Variants in SEC22A observed in about 807,000 individuals in gnomAD.
The protein encoded by SEC22A is vesicle-trafficking protein SEC22a.
A neutral mutation model predicts 35.3 loss-of-function variants in SEC22A; 22 were observed. The observed-to-expected ratio is 0.62, with a 90% confidence interval of 0.45 to 0.89. The LOEUF (loss-of-function observed/expected upper bound fraction) is 0.89, where lower values mean the gene tolerates loss of function less well. Among genes scored for constraint, SEC22A ranks in the 40% least tolerant of loss-of-function variants. SEC22A has a pLI of 0.00. For synonymous variants in SEC22A, 119 were observed against 129.5 expected (o/e 0.92, Z 0.55); for missense variants, 354 against 362.5 (o/e 0.98, Z 0.19).
At chr3:123,218,617 A>C (rs1937071842) in intron 2 of SEC22A, among the ~76,000 whole-genome samples, 1 of 152,064 alleles carries the variant, frequency 6.6e-6, no homozygotes, top group African/African-American at 2.4e-5. Flanking sequence ...CATGTCGAAG[A>C]TTCACTGACC....
At chr3:123,257,879 C>T (rs562536735) in intron 5 of SEC22A, among the ~76,000 whole-genome samples, 1 of 151,522 alleles carries the variant, frequency 6.6e-6, no homozygotes, top group African/African-American at 2.4e-5. Flanking sequence ...GTAGTCCCAA[C>T]TATTCTGAAG....
chr3:123,227,842 C>T (rs866839364), intron 4 of SEC22A, among the ~76,000 whole-genome samples: 20 of 150,750 alleles, frequency 1.3e-4, no homozygotes, highest in Middle Eastern at 3.2e-3. Flanking sequence ...CCCAGTTACT[C>T]GGGAGACTGA....
intron 5 of SEC22A, among the ~76,000 whole-genome samples, chr3:123,254,625 A>G (rs375090617): frequency 2.2e-4 from 33 of 152,270 alleles, no homozygotes; most frequent in African/African-American, 7.0e-4. Flanking sequence ...TCTTTAAAAA[A>G]CAAACAATAA....
At chr3:123,233,885 T>C (rs1937368006) in intron 4 of SEC22A, among the ~76,000 whole-genome samples, 1 of 152,162 alleles carries the variant, frequency 6.6e-6, no homozygotes, top group Non-Finnish European at 1.5e-5. Context: ...TAAAAAGGCA[T>C]GTAGATTGCA....
chr3:123,248,540 T>C (rs1000397332), intron 5 of SEC22A, among the ~76,000 whole-genome samples: 9 of 152,128 alleles, frequency 5.9e-5, no homozygotes, highest in Admixed American at 6.5e-5. Flanking sequence ...ATACAAGATC[T>C]TTATGAGGAA....
intron 1 of SEC22A, among the ~76,000 whole-genome samples, chr3:123,203,052 CCTTTTTTTTTTT>C: frequency 1.5e-5 from 1 of 68,192 alleles, no homozygotes; most frequent in African/African-American, 8.7e-5. Flanking sequence ...CTGTTTAGTG[CCTTTTTTTTTTT>C]TTTTTTTTTT....
At position 123,273,179 on chromosome 3, in the gene SEC22A, A is replaced by G. The variant is rs1938211920; in HGVS notation, c.*1457A>G. On this transcript the variant is annotated 3_prime_UTR_variant, in exon 7 of 7. Coordinates refer to ENST00000492595, the MANE Select transcript of SEC22A (RefSeq NM_012430.5). ...GTAATTGTTGTTACTAGGCATATTT[A>G]TTAAGTAGAGAAATAGAGGGTAAAA... The G allele has an allele frequency of 6.6e-6, 1 of 152,242 alleles. No homozygotes were observed. Among genetic ancestry groups the G allele is most frequent in the South Asian group, 2.1e-4 (1 of 4,828 alleles). The allele number at this position is 152,242 out of a possible 1,614,324, so 9.4% of individuals were successfully genotyped here. A position where few individuals can be genotyped will look rare whatever the true frequency, so the allele number is the denominator to read the frequency against.
In SEC22A at chr3:123,239,671, G is replaced by C. The variant is rs189073733; in HGVS notation, c.542-6228G>C. Among the ~76,000 whole-genome samples the C allele has an allele frequency of 5.6e-3, 847 of 152,062 alleles. 3 individuals carry two copies. The highest frequency in any genetic ancestry group is 0.014 in the South Asian group (67 of 4,794). ...ATATCCTTCGCCCACTTTTTGATGG[G>C]GTTGTTTGTTTTTTTCTTGTAAATT... On this transcript the variant is annotated intron_variant, in intron 4 of 6. Transcript: ENST00000492595.
intron 6 of SEC22A, 76 bp downstream of exon 6, chr3:123,259,665 T>G (rs866535411): frequency 2.1e-6 from 2 of 971,474 alleles, no homozygotes; most frequent in South Asian, 1.5e-5. Flanking sequence ...AATTGTGCAT[T>G]TTAAATAAAT....
intron 1 of SEC22A, among the ~76,000 whole-genome samples, chr3:123,207,952 T>C (rs1936877783): frequency 6.6e-6 from 1 of 152,256 alleles, no homozygotes; most frequent in South Asian, 2.1e-4. Flanking sequence ...ATAAAAGTAG[T>C]ATATGTCTAC....
rs1488940435 is a variant in SEC22A at position 123,203,051 on chromosome 3, G to GC, written c.-20+1067dup. On this transcript the variant is annotated intron_variant, in intron 1 of 6. Coordinates refer to ENST00000492595, the MANE Select transcript of SEC22A (RefSeq NM_012430.5). ...TTGAAAACCATCACATCTGTTTAGTGCCTTTTTTTTTTTTTTTTTTTTTTT... is the reference window on the plus strand; with the variant it reads ...TTGAAAACCATCACATCTGTTTAGTGCCCTTTTTTTTTTTTTTTTTTTTTTT... 6.0e-3 allele frequency among the ~76,000 whole-genome samples: 422 copies of GC among 70,008 alleles called. 42 individuals are homozygous for GC. The highest frequency in any genetic ancestry group is 0.02 in the Middle Eastern group (2 of 98). 45.9% of individuals were successfully genotyped at this position (70,008 alleles called of 152,430 possible).
chr3:123,214,958 G>A (rs996448300), intron 2 of SEC22A, among the ~76,000 whole-genome samples: 1 of 152,174 alleles, frequency 6.6e-6, no homozygotes, highest in African/African-American at 2.4e-5. Flanking sequence ...CCTCCAGCCA[G>A]GAATACTGTT....
At position 123,248,271 on chromosome 3, in the gene SEC22A, CT is replaced by C. The variant is rs200664847; in HGVS notation, c.657+2260del. 2.8e-4 allele frequency among the ~76,000 whole-genome samples: 42 copies of C among 152,196 alleles called. No individual in the cohort carries two copies. In the East Asian group the frequency reaches 6.9e-3, roughly 25 times the overall value. On this transcript the variant is annotated intron_variant, in intron 5 of 6. Transcript: ENST00000492595. ...ATTAGGAAGGAAAAAATAAAGCTGT[CT>C]TTGTTCACAGATGACATGACTAAGT...
intron 1 of SEC22A, among the ~76,000 whole-genome samples, chr3:123,206,202 G>A (rs1936849538): frequency 6.6e-6 from 1 of 152,018 alleles, no homozygotes; most frequent in South Asian, 2.1e-4. Context: ...TGAACTCCTG[G>A]GCCTGCTTCA....
At chr3:123,223,758 C>G (rs774181926) in intron 3 of SEC22A, 36 bp downstream of exon 3, 1 of 1,506,580 alleles carries the variant, frequency 6.6e-7, no homozygotes, top group South Asian at 1.2e-5. Context: ...TTTATTCTGT[C>G]TGCATCCAAT....
chr3:123,223,928 T>C (rs73856879), intron 3 of SEC22A, among the ~76,000 whole-genome samples: 2,237 of 152,282 alleles, frequency 0.015, 50 homozygotes, highest in African/African-American at 0.05. Flanking sequence ...ATTGTGAGTA[T>C]TGGTCCGAAG....
intron 5 of SEC22A, among the ~76,000 whole-genome samples, chr3:123,251,043 G>A (rs1318966589): frequency 6.7e-6 from 1 of 149,718 alleles, no homozygotes; most frequent in African/African-American, 2.5e-5. Flanking sequence ...GACAACTTTT[G>A]TTAACTTAAT....
chr3:123,202,276 G>A (rs1484987949), intron 1 of SEC22A: 1 of 152,642 alleles, frequency 6.6e-6, no homozygotes, highest in Admixed American at 6.5e-5. Flanking sequence ...CGGGTGTTGG[G>A]CAGCCAGGAA....
intron 4 of SEC22A, among the ~76,000 whole-genome samples, chr3:123,228,591 A>G (rs867902644): frequency 0.013 from 1,900 of 150,962 alleles, 47 homozygotes; most frequent in African/African-American, 0.044. Flanking sequence ...AAAAAAAAAA[A>G]AAAGAAAGAA....
Sources: allele counts gnomAD v4.1 joint callset (sites outside exome capture counted in the v4.1 genomes callset), GRCh38; gene constraint gnomAD v4.1.1; transcripts MANE v1.5; gene names NCBI Gene and HGNC (gene_info 2026-07-23, HGNC 2026-07-21).